Variants in COMMD1 observed in about 807,000 individuals in gnomAD.
COMMD1 encodes COMM domain-containing protein 1.
Under a neutral mutation model 17.2 loss-of-function variants are expected in COMMD1, and 10 were observed. That is an observed-to-expected ratio of 0.58 (90% confidence interval 0.36 to 0.99). COMMD1 has a LOEUF of 0.99. Among genes scored for constraint, COMMD1 ranks in the 50% least tolerant of loss-of-function variants. The pLI, the probability that COMMD1 is intolerant of heterozygous loss-of-function variation, is 0.01. For missense variants in COMMD1, 270 were observed against 231.8 expected (o/e 1.17, Z -1.07); for synonymous variants, 97 against 91.6 (o/e 1.06, Z -0.34).
intron 2 of COMMD1, among the ~76,000 whole-genome samples, chr2:62,132,593 C>T (rs563995967): frequency 4.6e-5 from 7 of 152,256 alleles, no homozygotes; most frequent in African/African-American, 1.7e-4. Context: ...CGCCTGTAAT[C>T]CCAGCTCTTT....
upstream of COMMD1, among the ~76,000 whole-genome samples, chr2:61,902,325 G>A (rs1007013316): frequency 2.0e-5 from 3 of 151,648 alleles, no homozygotes; most frequent in African/African-American, 4.8e-5. Flanking sequence ...GCCCAAGATG[G>A]TGAAACCTTG....
intron 1 of COMMD1, among the ~76,000 whole-genome samples, chr2:61,983,317 G>T (rs1191229251): frequency 6.6e-6 from 1 of 151,782 alleles, no homozygotes; most frequent in South Asian, 2.1e-4. Context: ...AGCCTCCTGA[G>T]TAGTTAGGAC....
At chr2:62,110,181 C>T (rs1256463870) in intron 2 of COMMD1, among the ~76,000 whole-genome samples, 1 of 152,030 alleles carries the variant, frequency 6.6e-6, no homozygotes, top group African/African-American at 2.4e-5. Flanking sequence ...GTTAGTCTCC[C>T]ACCTCAGCCT....
At chr2:61,930,835 GA>G (rs1435110510) in intron 1 of COMMD1, among the ~76,000 whole-genome samples, 2 of 152,094 alleles carry the variant, frequency 1.3e-5, no homozygotes, top group African/African-American at 4.8e-5. Context: ...CTTGGTGGAA[GA>G]AACAAGTTTC....
intron 2 of COMMD1, among the ~76,000 whole-genome samples, chr2:62,024,952 C>T (rs779890356): frequency 6.6e-6 from 1 of 152,126 alleles, no homozygotes; most frequent in Non-Finnish European, 1.5e-5. Flanking sequence ...AAAGGCCAGG[C>T]GAGGTGGCTC....
In COMMD1 at chr2:61,910,213, T is replaced by TATATATATATATATATATATA. The variant is rs1473553137; in HGVS notation, c.180+4355_180+4356insATATATATATATATATATATA. Among the ~76,000 whole-genome samples, 10 of 152,182 alleles carry TATATATATATATATATATATA rather than the reference T, an allele frequency of 6.6e-5. No individual in the cohort carries two copies. The East Asian group carries it at 1.9e-3, about 29-fold the overall frequency. On this transcript the variant is annotated intron_variant, in intron 1 of 2. Transcript: ENST00000311832. Reference sequence around the variant, plus strand: ...ATCCTATAGATAAATACTCTTGTATTTATATATAAAATATATAAAAGGCAG... The same window carrying TATATATATATATATATATATA: ...ATCCTATAGATAAATACTCTTGTATTATATATATATATATATATATATATATATAAAATATATAAAAGGCAG...
intron 2 of COMMD1, among the ~76,000 whole-genome samples, chr2:62,124,702 A>G (rs936357854): frequency 1.3e-5 from 2 of 152,074 alleles, no homozygotes; most frequent in African/African-American, 4.8e-5. Context: ...GGTTTGTGCC[A>G]CCAAGCCCGG....
At chr2:61,965,094 C>G (rs1671472151) in intron 1 of COMMD1, among the ~76,000 whole-genome samples, 1 of 151,980 alleles carries the variant, frequency 6.6e-6, no homozygotes, top group African/African-American at 2.4e-5. Flanking sequence ...CCCTTTGTTA[C>G]CTGACTTTTA....
intron 2 of COMMD1, among the ~76,000 whole-genome samples, chr2:62,012,949 A>T (rs1328975907): frequency 6.6e-6 from 1 of 152,126 alleles, no homozygotes; most frequent in Non-Finnish European, 1.5e-5. Flanking sequence ...CAGCCCCAGG[A>T]AGATCTGGGG....
intron 1 of COMMD1, among the ~76,000 whole-genome samples, chr2:61,933,290 C>G (rs966021271): frequency 6.6e-6 from 1 of 151,866 alleles, no homozygotes; most frequent in Non-Finnish European, 1.5e-5. Context: ...ATTGCTTAGC[C>G]GCTTGTATCC....
intron 1 of COMMD1, among the ~76,000 whole-genome samples, chr2:61,917,558 C>T (rs1032599781): frequency 2.0e-5 from 3 of 151,232 alleles, no homozygotes; most frequent in African/African-American, 7.3e-5. Context: ...GACGGAGTCT[C>T]GCTGTGTCTC....
At chr2:61,921,938 A>AT (rs34356773) in intron 1 of COMMD1, among the ~76,000 whole-genome samples, 21,382 of 151,850 alleles carry the variant, frequency 0.14, 1,570 homozygotes, top group East Asian at 0.22. Context: ...CTTTATTTAA[A>AT]TTTTTTTTCC....
chr2:62,124,436 A>C (rs754253789), intron 2 of COMMD1, among the ~76,000 whole-genome samples: 15 of 152,372 alleles, frequency 9.8e-5, no homozygotes, highest in South Asian at 2.1e-4. Flanking sequence ...TTGTGGAAAT[A>C]TCTAAAAGAT....
chr2:61,918,908 T>A (rs1225879166), intron 1 of COMMD1, among the ~76,000 whole-genome samples: 1 of 152,244 alleles, frequency 6.6e-6, no homozygotes, highest in Non-Finnish European at 1.5e-5. Flanking sequence ...TTCTGTTATG[T>A]GGTTCATCTT....
intron 1 of COMMD1, among the ~76,000 whole-genome samples, chr2:61,975,951 A>G (rs1408050973): frequency 6.6e-6 from 1 of 152,134 alleles, no homozygotes; most frequent in Admixed American, 6.5e-5. Flanking sequence ...CTACTGTTGG[A>G]TGAAGTATTT....
intron 2 of COMMD1, among the ~76,000 whole-genome samples, chr2:62,016,883 T>G (rs536867108): frequency 6.6e-6 from 1 of 152,334 alleles, no homozygotes; most frequent in East Asian, 1.9e-4. Flanking sequence ...CGAGTTAATT[T>G]TTTCATATGA....
chr2:62,106,661 C>T (rs532174349), intron 2 of COMMD1, among the ~76,000 whole-genome samples: 1 of 152,140 alleles, frequency 6.6e-6, no homozygotes, highest in African/African-American at 2.4e-5. Context: ...GGATTTTCAA[C>T]GTATAGACGT....
intron 1 of COMMD1, among the ~76,000 whole-genome samples, chr2:61,923,286 T>G (rs1484769869): frequency 6.6e-6 from 1 of 152,192 alleles, no homozygotes; most frequent in African/African-American, 2.4e-5. Context: ...TGCAGAATTG[T>G]AATCCTTTTA....
chr2:62,040,260 T>C (rs989044157), intron 2 of COMMD1, among the ~76,000 whole-genome samples: 4 of 151,886 alleles, frequency 2.6e-5, no homozygotes, highest in African/African-American at 4.8e-5. Context: ...TCTCAAAAAA[T>C]AAAAATAGAA....
Sources: gnomAD v4.1 joint callset for allele counts (sites outside exome capture counted in the v4.1 genomes callset) on GRCh38, gnomAD v4.1.1 for gene constraint, MANE v1.5 for transcripts, NCBI Gene and HGNC (gene_info 2026-07-23, HGNC 2026-07-21) for gene names.